Variants in USP32 observed in about 807,000 individuals in gnomAD.
USP32 encodes ubiquitin specific peptidase 32.
In USP32, 59 loss-of-function variants were observed where a neutral mutation model predicts 204.8. The observed-to-expected ratio is 0.29, with a 90% confidence interval of 0.23 to 0.36. The LOEUF (loss-of-function observed/expected upper bound fraction) is 0.36, where lower values mean the gene tolerates loss of function less well. Ranked by LOEUF, USP32 falls within the 10% of genes least tolerant of loss-of-function variation. The pLI is 1.00. For synonymous variants in USP32, 517 were observed against 678.4 expected (o/e 0.76, Z 3.70); for missense variants, 1,160 against 1,946.4 (o/e 0.60, Z 7.60).
intron 30 of USP32, among the ~76,000 whole-genome samples, chr17:60,184,154 A>G (rs776809294): frequency 7.2e-5 from 11 of 151,928 alleles, no homozygotes; most frequent in Non-Finnish European, 1.2e-4. Context: ...TAAATAAAAA[A>G]CACACAAAAA....
chr17:60,406,440 A>C lies in USP32; in HGVS notation c.106+15806T>G, dbSNP rs187324017. Among the ~76,000 whole-genome samples, 877 of 152,148 alleles carry C rather than the reference A, an allele frequency of 5.8e-3. 7 individuals carry two copies. The highest frequency in any genetic ancestry group is 0.02 in the African/African-American group (839 of 41,504). On this transcript the variant is annotated intron_variant, in intron 1 of 3. Transcript: ENST00000588898. Reference sequence around the variant, plus strand: ...GTGATCCACCCTCCTCAGCCTCCTAAAGTGCTGGGATCACAGGCGTGTGCC... The same window carrying C: ...GTGATCCACCCTCCTCAGCCTCCTACAGTGCTGGGATCACAGGCGTGTGCC...
At chr17:60,358,651 G>A (rs2089140416) in intron 1 of USP32, among the ~76,000 whole-genome samples, 1 of 152,158 alleles carries the variant, frequency 6.6e-6, no homozygotes. Context: ...TAGGAAAACA[G>A]AAGGTCAAGT....
Position 60,183,173 on chromosome 17 carries a change from C to G in USP32, c.4115G>C (p.Ser1372Thr). Reference protein sequence around the residue: ...PSSLSANIISSPKGSPSSSRK... With the variant: ...PSSLSANIISTPKGSPSSSRK... The stretch of plus-strand genomic sequence containing the variant: ...AGGCCCCCAGGCCTCACCTTTCGGG[C>G]TGCTGATGATGTTAGCGCTGAGTGA... Residue 1372 changes from serine to threonine, a missense_variant, in exon 31 of 34, where the codon AGC (serine) becomes ACC (threonine). Transcript: ENST00000300896. 6.2e-7 allele frequency: 1 copy of G among 1,608,928 alleles called. No individual in the cohort carries two copies. Among genetic ancestry groups the G allele is most frequent in the Non-Finnish European group, 8.5e-7 (1 of 1,176,940 alleles).
intron 1 of USP32, among the ~76,000 whole-genome samples, chr17:60,360,201 A>T (rs949763477): frequency 6.6e-6 from 1 of 151,820 alleles, no homozygotes; most frequent in African/African-American, 2.4e-5. Flanking sequence ...CTGGCCAGGC[A>T]CAGTGGCTCA....
chr17:60,332,540 C>T (rs576102555), intron 2 of USP32, among the ~76,000 whole-genome samples: 4 of 152,000 alleles, frequency 2.6e-5, no homozygotes, highest in East Asian at 3.9e-4. Flanking sequence ...CCCAGCTACT[C>T]GGGAAGCTGA....
chr17:60,185,589 C>T lies in USP32; in HGVS notation c.3705G>A (p.Leu1235=), dbSNP rs2084229987. 6 of 1,611,972 alleles carry T rather than the reference C, an allele frequency of 3.7e-6. No homozygotes were observed. In the East Asian group the frequency reaches 1.3e-4, roughly 36 times the overall value. ...SRRAQAEPIN[L]DSCLRAFTSE... is the part of the protein sequence containing the mutation. ...TGGTGAAAGCACGGAGACAGCTGTC[C>T]AGGTTGATGGGCTCGGCTTGCGCTC... The change falls in exon 30 of 34, where the codon CTG becomes CTA. Residue 1235 remains leucine (L), a synonymous_variant. Transcript: ENST00000300896.
chr17:60,414,116 G>A lies in USP32; in HGVS notation c.106+8130C>T, dbSNP rs539494113. ...GGTGGCTCACGCCTATAATCCCAGC[G>A]CTTTGGGAGGCCATGGTGGGCAGAT... is the stretch of plus-strand genomic sequence containing the variant. On this transcript the variant is annotated intron_variant, in intron 1 of 3. Transcript: ENST00000588898. 3.3e-5 allele frequency among the ~76,000 whole-genome samples: 5 copies of A among 151,746 alleles called. No individual in the cohort carries two copies. The South Asian group carries it at 8.4e-4, about 25-fold the overall frequency.
rs112859029 is a variant in USP32 at position 60,225,895 on chromosome 17, A to C, written c.1432+144T>G. 4,534 of 798,478 alleles carry C rather than the reference A, an allele frequency of 5.7e-3. 177 individuals are homozygous for C. The African/African-American group carries it at 0.074, about 13-fold the overall frequency. The allele number at this position is 798,478 out of a possible 1,614,324, so 49.5% of individuals were successfully genotyped here. ...CTTGAACCCAGAAGGTGGAGGTTGCAGTGAGCAGAGATCGCGCCACTGCGC... is the reference window on the plus strand; with the variant it reads ...CTTGAACCCAGAAGGTGGAGGTTGCCGTGAGCAGAGATCGCGCCACTGCGC... On this transcript the variant is annotated intron_variant, in intron 13 of 33. Transcript: ENST00000300896.
intron 9 of USP32, among the ~76,000 whole-genome samples, chr17:60,263,361 A>C (rs945644119): frequency 6.6e-6 from 1 of 152,214 alleles, no homozygotes; most frequent in Admixed American, 6.5e-5. Flanking sequence ...TTAAATAGTC[A>C]ACAGATGAAT....
At chr17:60,308,516 T>C (rs901260752) in intron 2 of USP32, among the ~76,000 whole-genome samples, 43 of 152,164 alleles carry the variant, frequency 2.8e-4, no homozygotes, top group Admixed American at 2.7e-3. Flanking sequence ...AACCCAGATA[T>C]AAATCCAAAA....
chr17:60,322,729 A>T (rs1440799516), intron 2 of USP32, among the ~76,000 whole-genome samples: 4 of 152,208 alleles, frequency 2.6e-5, no homozygotes, highest in African/African-American at 9.6e-5. Context: ...TTGGTTAACA[A>T]TTACTTTAAC....
chr17:60,226,015 C>G, intron 13 of USP32, 24 bp downstream of exon 13: 1 of 1,566,800 alleles, frequency 6.4e-7, no homozygotes, highest in Non-Finnish European at 8.6e-7. Context: ...ACCAATAAAC[C>G]TCAGGGGAAT....
chr17:60,289,000 T>G (rs1281708675), intron 4 of USP32, among the ~76,000 whole-genome samples: 1 of 152,188 alleles, frequency 6.6e-6, no homozygotes. Context: ...AACTGCATTT[T>G]GTTTTTTGTT....
At chr17:60,253,643 G>A (rs2086223990) in intron 10 of USP32, among the ~76,000 whole-genome samples, 1 of 152,096 alleles carries the variant, frequency 6.6e-6, no homozygotes, top group East Asian at 1.9e-4. Context: ...GCACACGCCT[G>A]TAATCCCAGC....
intron 15 of USP32, among the ~76,000 whole-genome samples, 163 bp from the exon 16 acceptor site, chr17:60,219,950 T>C (rs1329162280): frequency 6.6e-6 from 1 of 151,676 alleles, no homozygotes; most frequent in African/African-American, 2.4e-5. Context: ...ATGGATCTGA[T>C]TACTGTTAAA....
At chr17:60,271,827 AGAGACAG>A (rs1447047900) in intron 5 of USP32, among the ~76,000 whole-genome samples, 2 of 150,374 alleles carry the variant, frequency 1.3e-5, no homozygotes, top group African/African-American at 4.9e-5. Flanking sequence ...TTTTTTTTTA[AGAGACAG>A]GGTTTTGCTC....
Position 60,294,762 on chromosome 17 carries a change from A to T in USP32, c.332T>A (p.Val111Asp). The T allele has an allele frequency of 6.2e-7, 1 of 1,612,700 alleles. No individual in the cohort carries two copies. The highest frequency in any genetic ancestry group is 8.5e-7 in the Non-Finnish European group (1 of 1,179,212). ...SLFSSESGNY[V>D]IREEMERMLH... ...CATTCTTTCCATTTCTTCCCGTATA[A>T]CATAGTTCCCAGATTCACTTGAAAA... Residue 111 changes from valine to aspartate, a missense_variant, in exon 4 of 34, where the codon GTT (valine) becomes GAT (aspartate). Transcript: ENST00000300896.
chr17:60,384,685 G>C (rs549744205), intron 1 of USP32, among the ~76,000 whole-genome samples: 1 of 152,054 alleles, frequency 6.6e-6, no homozygotes, highest in Admixed American at 6.5e-5. Context: ...CCAGCTACTC[G>C]GAGGGCTGAG....
At chr17:60,374,402 T>G (rs933041634) in intron 1 of USP32, among the ~76,000 whole-genome samples, 5 of 151,574 alleles carry the variant, frequency 3.3e-5, no homozygotes, top group South Asian at 2.1e-4. Context: ...AAGTTTTGTT[T>G]TTTTTTTTTT....
Sources: allele counts gnomAD v4.1 joint callset (sites outside exome capture counted in the v4.1 genomes callset), GRCh38; gene constraint gnomAD v4.1.1; transcripts MANE v1.5; gene names NCBI Gene and HGNC (gene_info 2026-07-23, HGNC 2026-07-21).